The following MCPH1 variants were observed in gnomAD, a reference collection of about 807,000 sequenced individuals.
The protein encoded by MCPH1 is microcephalin.
A neutral mutation model predicts 84.5 loss-of-function variants in MCPH1; 104 were observed. The observed-to-expected ratio is 1.23, with a 90% CI of 1.05 to 1.45. MCPH1 has a LOEUF of 1.45. MCPH1 is among the 40% of genes most tolerant of loss of function. MCPH1 has a pLI of 0.00. For synonymous variants in MCPH1, 514 were observed against 366.8 expected (o/e 1.40, Z -4.58); for missense variants, 1,498 against 1,005.7 (o/e 1.49, Z -6.62).
At chr8:6,475,927 C>T (rs921699844) in intron 9 of MCPH1, among the ~76,000 whole-genome samples, 1 of 152,104 alleles carries the variant, frequency 6.6e-6, no homozygotes, top group Non-Finnish European at 1.5e-5. Context: ...GTGTATAAGG[C>T]AGATCCCTGG....
intron 12 of MCPH1, among the ~76,000 whole-genome samples, chr8:6,594,486 G>A (rs759498084): frequency 2.6e-5 from 4 of 152,206 alleles, no homozygotes; most frequent in Non-Finnish European, 5.9e-5. Flanking sequence ...GCATTACCAA[G>A]AAATAGCAGT....
At chr8:6,414,917 G>C in intron 3 of MCPH1, 34 bp downstream of exon 3, 1 of 1,606,242 alleles carries the variant, frequency 6.2e-7, no homozygotes, top group Non-Finnish European at 8.5e-7. Context: ...TTTTCCTTAA[G>C]TATCTAGTAT....
intron 12 of MCPH1, among the ~76,000 whole-genome samples, chr8:6,510,549 C>T (rs961929959): frequency 6.6e-5 from 10 of 152,202 alleles, no homozygotes; most frequent in Admixed American, 6.5e-4. Flanking sequence ...CACCTGCATG[C>T]ACACTGGATG....
At chr8:6,416,881 C>G (rs1247875446) in intron 3 of MCPH1, among the ~76,000 whole-genome samples, 1 of 151,968 alleles carries the variant, frequency 6.6e-6, no homozygotes, top group Non-Finnish European at 1.5e-5. Flanking sequence ...ATAGTCCCAG[C>G]TACTCGGGAG....
chr8:6,511,102 G>C (rs749742058), intron 12 of MCPH1, among the ~76,000 whole-genome samples: 1 of 152,006 alleles, frequency 6.6e-6, no homozygotes, highest in South Asian at 2.1e-4. Flanking sequence ...AGTTCTCATG[G>C]AACTTGTTAA....
chr8:6,462,013 C>G (rs1226019393), intron 9 of MCPH1, among the ~76,000 whole-genome samples: 1 of 152,152 alleles, frequency 6.6e-6, no homozygotes, highest in Non-Finnish European at 1.5e-5. Flanking sequence ...GTTGTAGAAT[C>G]TCATTTTGGA....
intron 8 of MCPH1, chr8:6,445,770 T>C: frequency 7.5e-7 from 1 of 1,334,444 alleles, no homozygotes; most frequent in Non-Finnish European, 9.5e-7. Flanking sequence ...GTTAGGAATC[T>C]ATTTCTCCAA....
intron 8 of MCPH1, chr8:6,447,243 C>G (rs937855456): frequency 1.6e-5 from 16 of 985,254 alleles, no homozygotes; most frequent in East Asian, 1.1e-4. Context: ...TGAACCAACT[C>G]TCTTTGGGAA....
chr8:6,633,068 T>C (rs917864205), intron 13 of MCPH1, among the ~76,000 whole-genome samples: 2 of 152,106 alleles, frequency 1.3e-5, no homozygotes, highest in Admixed American at 1.3e-4. Context: ...GATAACTTTC[T>C]TAACTATGGA....
intron 12 of MCPH1, 72 bp from the exon 13 acceptor site, chr8:6,621,382 G>T: frequency 6.4e-7 from 1 of 1,572,628 alleles, no homozygotes; most frequent in Non-Finnish European, 8.7e-7. Flanking sequence ...GAAGTAAACT[G>T]CAACAGTTCG....
intron 9 of MCPH1, among the ~76,000 whole-genome samples, chr8:6,461,046 G>C (rs1011025595): frequency 6.6e-6 from 1 of 152,060 alleles, no homozygotes; most frequent in East Asian, 1.9e-4. Context: ...GCAGTAAGAG[G>C]CCAACTCAAG....
chr8:6,532,502 T>C (rs1819707739), intron 12 of MCPH1: 3 of 1,593,060 alleles, frequency 1.9e-6, no homozygotes, highest in African/African-American at 1.3e-5. Flanking sequence ...AAAAGAACAG[T>C]GTTAGAAGGC....
intron 12 of MCPH1, among the ~76,000 whole-genome samples, chr8:6,589,008 C>G (rs767178747): frequency 6.6e-6 from 1 of 152,222 alleles, no homozygotes; most frequent in African/African-American, 2.4e-5. Flanking sequence ...TGAAGGGATT[C>G]TTTTGCTTTT....
intron 12 of MCPH1, 114 bp from the exon 13 acceptor site, chr8:6,621,340 C>T: frequency 1.5e-6 from 2 of 1,310,652 alleles, no homozygotes; most frequent in African/African-American, 2.9e-5. Context: ...GCATGGCAGC[C>T]TTACATTCAG....
At chr8:6,534,691 G>T (rs1020915038) in intron 12 of MCPH1, among the ~76,000 whole-genome samples, 2 of 152,156 alleles carry the variant, frequency 1.3e-5, no homozygotes, top group African/African-American at 2.4e-5. Context: ...CGGCAGGCCA[G>T]CAACCATCTC....
At chr8:6,510,693 C>T (rs887834940) in intron 12 of MCPH1, among the ~76,000 whole-genome samples, 1 of 152,112 alleles carries the variant, frequency 6.6e-6, no homozygotes. Context: ...GCAGCAAATG[C>T]CTCTGCCGTG....
chr8:6,507,371 G>T (rs979466827), intron 12 of MCPH1, among the ~76,000 whole-genome samples: 3 of 152,082 alleles, frequency 2.0e-5, no homozygotes, highest in Non-Finnish European at 4.4e-5. Flanking sequence ...ATTAAACCCT[G>T]CCAATTTTCC....
intron 12 of MCPH1, among the ~76,000 whole-genome samples, chr8:6,574,428 T>C (rs1024895335): frequency 6.6e-6 from 1 of 152,328 alleles, no homozygotes; most frequent in East Asian, 1.9e-4. Context: ...TCCTCTCAAC[T>C]AGTTAAACCT....
intron 9 of MCPH1, among the ~76,000 whole-genome samples, chr8:6,474,783 G>A (rs974273497): frequency 6.6e-6 from 1 of 152,122 alleles, no homozygotes; most frequent in Non-Finnish European, 1.5e-5. Context: ...GAGGATTGCC[G>A]AGGGCAGGTA....
Sources: gnomAD v4.1 joint callset for allele counts (sites outside exome capture counted in the v4.1 genomes callset) on GRCh38, gnomAD v4.1.1 for gene constraint, MANE v1.5 for transcripts, NCBI Gene and HGNC (gene_info 2026-07-23, HGNC 2026-07-21) for gene names.